The following SSH2 variants were observed in gnomAD, a reference collection of about 807,000 sequenced individuals.
SSH2 encodes protein phosphatase Slingshot homolog 2.
A neutral mutation model predicts 135.2 loss-of-function variants in SSH2; 37 were observed. The ratio of observed to expected loss-of-function variants is 0.27; its 90% CI spans 0.21 to 0.36. The LOEUF (loss-of-function observed/expected upper bound fraction) is 0.36, where lower values mean the gene tolerates loss of function less well. SSH2 is among the 10% of genes least tolerant of loss of function. The pLI, the probability that SSH2 is intolerant of heterozygous loss-of-function variation, is 1.00. For synonymous variants in SSH2, 628 were observed against 646.2 expected, an observed-to-expected ratio of 0.97 and a Z score of 0.43; for missense variants, 1,408 against 1,765.3, an observed-to-expected ratio of 0.80 and a Z score of 3.63.
chr17:29,739,004 T>G (rs1203154680), intron 3 of SSH2, among the ~76,000 whole-genome samples: 2 of 152,180 alleles, frequency 1.3e-5, no homozygotes, highest in African/African-American at 4.8e-5. Context: ...ATAATCACTT[T>G]CCTAAAAACA....
intron 3 of SSH2, among the ~76,000 whole-genome samples, chr17:29,724,575 C>A (rs1598881978): frequency 7.4e-6 from 1 of 134,990 alleles, no homozygotes; most frequent in Non-Finnish European, 1.6e-5. Context: ...ACCCAGATTA[C>A]CAAATCTTTT....
At chr17:29,654,564 G>T (rs576808392) in intron 12 of SSH2, among the ~76,000 whole-genome samples, 9 of 152,240 alleles carry the variant, frequency 5.9e-5, no homozygotes, top group African/African-American at 2.2e-4. Context: ...TTTCCACAAT[G>T]AGTTAGCATG....
rs755884713 is a variant in SSH2, at chr17:29,632,585, G to A, written c.2609C>T (p.Pro870Leu). 9.3e-6 allele frequency: 15 copies of A among 1,614,034 alleles called. No homozygotes were observed. The highest frequency in any genetic ancestry group is 1.3e-5 in the African/African-American group (1 of 74,912). ...SSIADLEEGE[P>L]AEGEQELQGS... ...CTGGAGCTCTTGTTCCCCCTCAGCT[G>A]GTTCCCCTTCTTCCAAGTCTGCTAT... Residue 870 changes from proline to leucine, a missense_variant, in exon 16 of 16, where the codon CCA becomes CTA. Physicochemically the swap from Pro to Leu is moderately conservative, Grantham distance 98. Transcript: ENST00000540801.
At chr17:29,837,716 C>A (rs900885453) in intron 2 of SSH2, among the ~76,000 whole-genome samples, 8 of 152,378 alleles carry the variant, frequency 5.3e-5, no homozygotes, top group African/African-American at 1.9e-4. Context: ...ACTTGCAGGG[C>A]TGGTCCCAGG....
chr17:29,871,609 A>G (rs1238757542), intron 1 of SSH2, among the ~76,000 whole-genome samples: 2 of 152,228 alleles, frequency 1.3e-5, no homozygotes, highest in African/African-American at 4.8e-5. Context: ...TAAATAAGAA[A>G]ATAAATCATA....
chr17:29,665,588 A>G (rs962717260), intron 11 of SSH2, among the ~76,000 whole-genome samples: 2 of 152,214 alleles, frequency 1.3e-5, no homozygotes, highest in African/African-American at 4.8e-5. Context: ...TCAAGAAGAG[A>G]AAGGAAGTGA....
intron 3 of SSH2, among the ~76,000 whole-genome samples, chr17:29,750,658 G>A (rs949002821): frequency 2.0e-5 from 3 of 151,382 alleles, no homozygotes; most frequent in African/African-American, 4.8e-5. Context: ...GAGTAGCTGG[G>A]ATTACAGGCA....
chr17:29,631,307 C>T lies in SSH2; in HGVS notation c.3887G>A (p.Cys1296Tyr), dbSNP rs1319704261. 6.2e-7 allele frequency: 1 copy of T among 1,614,154 alleles called. No homozygotes were observed. The highest frequency in any genetic ancestry group is 8.5e-7 in the Non-Finnish European group (1 of 1,180,034). Residue 1296 changes from cysteine to tyrosine, a missense_variant, in exon 16 of 16, where the codon TGT (cysteine) becomes TAT (tyrosine). Cys to Tyr is a radical substitution (Grantham distance 194). Transcript: ENST00000540801. Reference sequence around the variant, plus strand: ...CTCCCTCTCTGGTAAGCAGTCTTTACAGAGGTCCAAGTAACCTAATTTGGC... The same window carrying T: ...CTCCCTCTCTGGTAAGCAGTCTTTATAGAGGTCCAAGTAACCTAATTTGGC... ...SLAKLGYLDLCKDCLPEREPA... is the reference protein window; with the variant it reads ...SLAKLGYLDLYKDCLPEREPA...
At chr17:29,803,322 T>C (rs967117038) in intron 2 of SSH2, among the ~76,000 whole-genome samples, 22 of 152,340 alleles carry the variant, frequency 1.4e-4, no homozygotes, top group African/African-American at 5.1e-4. Context: ...TGAGCTGGTA[T>C]GGAGGATCTA....
intron 3 of SSH2, among the ~76,000 whole-genome samples, chr17:29,783,315 A>AT (rs1163963096): frequency 3.5e-5 from 4 of 113,280 alleles, no homozygotes; most frequent in Admixed American, 9.1e-5. Context: ...TATATAACAT[A>AT]TATTATATAT....
chr17:29,716,110 C>T (rs2039613139), intron 3 of SSH2, among the ~76,000 whole-genome samples: 1 of 152,148 alleles, frequency 6.6e-6, no homozygotes, highest in African/African-American at 2.4e-5. Context: ...TGACCTATGT[C>T]CTTGGTCCCA....
chr17:29,686,619 T>C (rs1211193572), intron 5 of SSH2, among the ~76,000 whole-genome samples: 2 of 151,872 alleles, frequency 1.3e-5, no homozygotes, highest in Non-Finnish European at 2.9e-5. Flanking sequence ...TCCACCTGTC[T>C]TGGCCTCCCA....
At chr17:29,894,578 G>A (rs2151449246) in intron 1 of SSH2, among the ~76,000 whole-genome samples, 1 of 151,958 alleles carries the variant, frequency 6.6e-6, no homozygotes, top group South Asian at 2.1e-4. Flanking sequence ...TTTTTATTAT[G>A]GTATTGTTAT....
intron 2 of SSH2, among the ~76,000 whole-genome samples, chr17:29,824,387 A>G (rs559317980): frequency 2.8e-4 from 42 of 152,152 alleles, no homozygotes; most frequent in Non-Finnish European, 5.3e-4. Flanking sequence ...TTCATCACAT[A>G]CATCCCCAAC....
chr17:29,682,191 T>A (rs1741269760), intron 6 of SSH2, among the ~76,000 whole-genome samples: 1 of 152,212 alleles, frequency 6.6e-6, no homozygotes, highest in South Asian at 2.1e-4. Flanking sequence ...TTGCTCATAT[T>A]CTGGGTCAGG....
chr17:29,727,652 C>T (rs779732618), intron 3 of SSH2, among the ~76,000 whole-genome samples: 41 of 152,284 alleles, frequency 2.7e-4, no homozygotes, highest in Non-Finnish European at 4.9e-4. Flanking sequence ...ACTAACTTTG[C>T]TTCTTACCTC....
chr17:29,630,287 C>T lies in SSH2; in HGVS notation c.*554G>A, dbSNP rs934923184. The T allele has an allele frequency of 1.3e-5, 2 of 152,256 alleles. No individual in the cohort carries two copies. The highest frequency in any genetic ancestry group is 2.9e-5 in the Non-Finnish European group (2 of 68,070). 9.4% of individuals were successfully genotyped at this position (152,256 alleles called of 1,614,324 possible). ...ATACACTCTGGAACACCGGAAGACCCTCTTTTAAAGCAAAGCGGAACCTGC... is the reference window on the plus strand; with the variant it reads ...ATACACTCTGGAACACCGGAAGACCTTCTTTTAAAGCAAAGCGGAACCTGC... On this transcript the variant is annotated 3_prime_UTR_variant, in exon 16 of 16. Coordinates refer to ENST00000540801, the MANE Select transcript of SSH2 (RefSeq NM_001282129.2).
intron 3 of SSH2, among the ~76,000 whole-genome samples, chr17:29,777,238 T>G (rs1044958091): frequency 3.3e-5 from 5 of 152,082 alleles, no homozygotes; most frequent in Admixed American, 3.3e-4. Context: ...AAAAAAAATT[T>G]TAAATTCATT....
chr17:29,693,457 G>A (rs1219860284), intron 5 of SSH2, among the ~76,000 whole-genome samples: 17 of 151,762 alleles, frequency 1.1e-4, no homozygotes, highest in Non-Finnish European at 1.5e-5. Context: ...GACTACAGGT[G>A]TGTGCCAACA....
Sources: allele counts gnomAD v4.1 joint callset (sites outside exome capture counted in the v4.1 genomes callset), GRCh38; gene constraint gnomAD v4.1.1; transcripts MANE v1.5; gene names NCBI Gene and HGNC (gene_info 2026-07-23, HGNC 2026-07-21).